JAKMIP2: variants seen among roughly 807,000 people sequenced by gnomAD.
The protein encoded by JAKMIP2 is janus kinase and microtubule-interacting protein 2.
A neutral mutation model predicts 115.0 loss-of-function variants in JAKMIP2; 25 were observed. The observed-to-expected ratio is 0.22, with a 90% confidence interval of 0.16 to 0.30. The LOEUF is 0.30. Among genes scored for constraint, JAKMIP2 ranks in the 10% least tolerant of loss-of-function variants. The pLI, the probability that JAKMIP2 is intolerant of heterozygous loss-of-function variation, is 1.00. For missense variants in JAKMIP2, 642 were observed against 957.6 expected (o/e 0.67, Z 4.35); for synonymous variants, 334 against 343.6 (o/e 0.97, Z 0.31).
intron 20 of JAKMIP2, among the ~76,000 whole-genome samples, chr5:147,606,059 T>A (rs114944822): frequency 6.6e-6 from 1 of 152,346 alleles, no homozygotes; most frequent in South Asian, 2.1e-4. Flanking sequence ...TTTGTTTAAG[T>A]TCCCTGTAGA....
intron 12 of JAKMIP2, among the ~76,000 whole-genome samples, chr5:147,633,284 GT>G (rs1254253199): frequency 2.0e-5 from 3 of 152,114 alleles, no homozygotes; most frequent in African/African-American, 7.2e-5. Flanking sequence ...TAGCTTTCCA[GT>G]TTTAAATATT....
intron 1 of JAKMIP2, among the ~76,000 whole-genome samples, chr5:147,736,576 G>T (rs1366957266): frequency 6.6e-6 from 1 of 152,014 alleles, no homozygotes; most frequent in African/African-American, 2.4e-5. Flanking sequence ...GGGTATCATA[G>T]AGTTTATTTA....
chr5:147,605,997 T>G (rs1414580757), intron 20 of JAKMIP2, among the ~76,000 whole-genome samples: 1 of 152,236 alleles, frequency 6.6e-6, no homozygotes, highest in Non-Finnish European at 1.5e-5. Context: ...AAGCGTCTGT[T>G]CACATCCTTT....
At chr5:147,755,379 G>A (rs192747416) in intron 1 of JAKMIP2, among the ~76,000 whole-genome samples, 2 of 152,122 alleles carry the variant, frequency 1.3e-5, no homozygotes, top group East Asian at 1.9e-4. Context: ...AAACCAAGCC[G>A]TACCCCAACT....
At chr5:147,743,980 T>TCCTTC in intron 1 of JAKMIP2, among the ~76,000 whole-genome samples, 1 of 115,158 alleles carries the variant, frequency 8.7e-6, no homozygotes, top group Admixed American at 1.1e-4. Context: ...TCTCCCTCCC[T>TCCTTC]TCCTTCCTTC....
At chr5:147,714,720 C>A (rs1436147528) in intron 1 of JAKMIP2, among the ~76,000 whole-genome samples, 2 of 152,176 alleles carry the variant, frequency 1.3e-5, no homozygotes, top group Admixed American at 6.5e-5. Flanking sequence ...AACAGTTACA[C>A]TGAGAGCTGA....
chr5:147,770,885 C>G (rs182880667), intron 1 of JAKMIP2, among the ~76,000 whole-genome samples: 87 of 152,186 alleles, frequency 5.7e-4, no homozygotes, highest in Non-Finnish European at 1.1e-3. Context: ...TAGAAATACA[C>G]AGAACTCACA....
chr5:147,769,127 G>A (rs762658931), intron 1 of JAKMIP2, among the ~76,000 whole-genome samples: 2 of 152,028 alleles, frequency 1.3e-5, no homozygotes, highest in African/African-American at 2.4e-5. Context: ...TCAGAACTCC[G>A]CCTGGCACAC....
At chr5:147,730,717 G>A (rs780493569) in intron 1 of JAKMIP2, among the ~76,000 whole-genome samples, 3 of 152,078 alleles carry the variant, frequency 2.0e-5, no homozygotes, top group Non-Finnish European at 2.9e-5. Context: ...GCCTCCCAAA[G>A]TGCTGGGATT....
intron 1 of JAKMIP2, among the ~76,000 whole-genome samples, chr5:147,767,136 T>C (rs2127065546): frequency 6.6e-6 from 1 of 152,298 alleles, no homozygotes; most frequent in East Asian, 1.9e-4. Context: ...ATGTACAGCT[T>C]GAATTTAATG....
intron 1 of JAKMIP2, among the ~76,000 whole-genome samples, chr5:147,746,888 G>C (rs1754364675): frequency 6.6e-6 from 1 of 152,134 alleles, no homozygotes; most frequent in African/African-American, 2.4e-5. Context: ...ACATTGTTAA[G>C]CTATTTATTC....
intron 1 of JAKMIP2, among the ~76,000 whole-genome samples, chr5:147,696,778 C>G (rs1752123202): frequency 6.6e-6 from 1 of 152,116 alleles, no homozygotes; most frequent in Non-Finnish European, 1.5e-5. Flanking sequence ...ACAATGAAAT[C>G]CAGGCTGAGG....
In JAKMIP2 at chr5:147,626,165, C is replaced by T. The variant is rs540789130; in HGVS notation, c.1996-2476G>A. ...TGTAGAAACTTTTATCTGTGAATCCCACAGACAAGAGATAAATTTAATCTG... is the reference window on the plus strand; with the variant it reads ...TGTAGAAACTTTTATCTGTGAATCCTACAGACAAGAGATAAATTTAATCTG... On this transcript the variant is annotated intron_variant, in intron 16 of 21. Transcript: ENST00000616793. Among the ~76,000 whole-genome samples, 3 of 152,268 alleles carry T rather than the reference C, an allele frequency of 2.0e-5. No individual in the cohort carries two copies. In the East Asian group the frequency reaches 5.8e-4, roughly 29 times the overall value.
chr5:147,642,233 C>T (rs1419318036), intron 7 of JAKMIP2, among the ~76,000 whole-genome samples: 1 of 152,138 alleles, frequency 6.6e-6, no homozygotes, highest in Non-Finnish European at 1.5e-5. Flanking sequence ...TTCTCACCTG[C>T]AGTCCCTGAA....
At chr5:147,703,361 G>A (rs1033387398) in intron 1 of JAKMIP2, among the ~76,000 whole-genome samples, 3 of 152,108 alleles carry the variant, frequency 2.0e-5, no homozygotes, top group South Asian at 2.1e-4. Context: ...CTTAAACATA[G>A]AAAAGGTACA....
At chr5:147,746,557 A>G (rs146615756) in intron 1 of JAKMIP2, among the ~76,000 whole-genome samples, 64 of 151,806 alleles carry the variant, frequency 4.2e-4, no homozygotes, top group Non-Finnish European at 7.7e-4. Flanking sequence ...CTATTTATAT[A>G]TCATTTATCA....
chr5:147,692,424 C>A, intron 1 of JAKMIP2, among the ~76,000 whole-genome samples: 1 of 152,190 alleles, frequency 6.6e-6, no homozygotes. Context: ...TTTGTTACAG[C>A]AGCTCTAGAA....
At chr5:147,629,583 A>G (rs1757262950) in intron 15 of JAKMIP2, 110 bp downstream of exon 15, 5 of 710,590 alleles carry the variant, frequency 7.0e-6, no homozygotes, top group Non-Finnish European at 9.6e-6. Context: ...CAACATCCTT[A>G]AGTGAAATGG....
intron 1 of JAKMIP2, among the ~76,000 whole-genome samples, chr5:147,708,963 C>T (rs1752680308): frequency 6.6e-6 from 1 of 152,198 alleles, no homozygotes; most frequent in Non-Finnish European, 1.5e-5. Flanking sequence ...ACCACCTCAA[C>T]AGCACATTTT....
Sources: allele counts gnomAD v4.1 joint callset (sites outside exome capture counted in the v4.1 genomes callset), GRCh38; gene constraint gnomAD v4.1.1; transcripts MANE v1.5; gene names NCBI Gene and HGNC (gene_info 2026-07-23, HGNC 2026-07-21).